Variants in PDE1C observed in about 807,000 individuals in gnomAD.
PDE1C encodes phosphodiesterase 1C, also known as dual specificity calcium/calmodulin-dependent 3',5'-cyclic nucleotide phosphodiesterase 1C.
A neutral mutation model predicts 93.1 loss-of-function variants in PDE1C; 62 were observed. The ratio of observed to expected loss-of-function variants is 0.67; its 90% CI spans 0.54 to 0.82. The LOEUF (loss-of-function observed/expected upper bound fraction) is 0.82, where lower values mean the gene tolerates loss of function less well. Ranked by LOEUF, PDE1C falls within the 40% of genes least tolerant of loss-of-function variation. The pLI is 0.00. For missense variants in PDE1C, 742 were observed against 884.6 expected, an observed-to-expected ratio of 0.84 and a Z score of 2.04; for synonymous variants, 325 against 310.1, an observed-to-expected ratio of 1.05 and a Z score of -0.50.
chr7:31,631,285 C>T, the PDE1C span, among the ~76,000 whole-genome samples: 23 of 152,232 alleles, frequency 1.5e-4, no homozygotes, highest in Admixed American at 7.2e-4. Flanking sequence ...AACACATATG[C>T]GTGCGTGCAC....
chr7:32,348,595 C>T (rs1484334028), intron 1 of PDE1C, among the ~76,000 whole-genome samples: 2 of 151,992 alleles, frequency 1.3e-5, no homozygotes, highest in Non-Finnish European at 2.9e-5. Flanking sequence ...GATCTCCTGA[C>T]CTTGTGATCC....
At chr7:32,077,421 GTA>G (rs1316242334) in intron 3 of PDE1C, among the ~76,000 whole-genome samples, 1 of 152,072 alleles carries the variant, frequency 6.6e-6, no homozygotes, top group Admixed American at 6.5e-5. Context: ...GAAAAAGCCT[GTA>G]TTATCTTGAT....
chr7:32,342,048 T>C (rs1006214917), intron 1 of PDE1C, among the ~76,000 whole-genome samples: 1 of 52,720 alleles, frequency 1.9e-5, no homozygotes, highest in Non-Finnish European at 4.3e-5. Flanking sequence ...TATATAAATA[T>C]ATGTAATAAT....
At position 32,102,968 on chromosome 7, in the gene PDE1C, A is replaced by G. The variant is rs184656483; in HGVS notation, c.308+66817T>C. Among the ~76,000 whole-genome samples, 3 of 152,302 alleles carry G rather than the reference A, an allele frequency of 2.0e-5. No homozygotes were observed. In the East Asian group the frequency reaches 5.8e-4, roughly 29 times the overall value. ...AGTGCATGACAACCCACATAAAACC[A>G]TATTCTATTCAATAGAGAGAGAGGG... On this transcript the variant is annotated intron_variant, in intron 3 of 18. Transcript: ENST00000396193.
intron 1 of PDE1C, among the ~76,000 whole-genome samples, chr7:32,252,195 C>T (rs1809444729): frequency 6.6e-6 from 1 of 152,204 alleles, no homozygotes. Flanking sequence ...AAACAATGCA[C>T]AAACATATTT....
chr7:31,823,055 A>T lies in PDE1C; in HGVS notation c.1582+18T>A. On this transcript the variant is annotated intron_variant, in intron 14 of 17. Transcript: ENST00000396191. ...TGTTTTATGCTGAATTGGTTTGGAC[A>T]GGTCTGTGGCATGTTACCTTTGGGT... The T allele has an allele frequency of 6.3e-7, 1 of 1,590,718 alleles. No individual in the cohort carries two copies. Among genetic ancestry groups the T allele is most frequent in the Non-Finnish European group, 8.6e-7 (1 of 1,168,148 alleles).
intron 17 of PDE1C, among the ~76,000 whole-genome samples, chr7:31,770,765 C>T (rs112458840): frequency 8.2e-4 from 125 of 152,246 alleles, no homozygotes; most frequent in African/African-American, 3.0e-3. Flanking sequence ...CCGCCTTGGC[C>T]TCCAAAAGTG....
At chr7:31,890,821 A>T (rs1376877956) in intron 2 of PDE1C, among the ~76,000 whole-genome samples, 1 of 151,576 alleles carries the variant, frequency 6.6e-6, no homozygotes, top group Non-Finnish European at 1.5e-5. Context: ...AATTATAGGA[A>T]AAAAACCTCA....
At chr7:32,080,688 G>C (rs1796612344) in intron 3 of PDE1C, among the ~76,000 whole-genome samples, 1 of 152,228 alleles carries the variant, frequency 6.6e-6, no homozygotes, top group Non-Finnish European at 1.5e-5. Flanking sequence ...ACTCCTGACA[G>C]TGTTTTCAAA....
chr7:32,136,909 GTTGT>G lies in PDE1C; in HGVS notation c.308+32872_308+32875del, dbSNP rs752310740. 3.3e-5 allele frequency among the ~76,000 whole-genome samples: 5 copies of G among 152,150 alleles called. 1 individual carries two copies. On this transcript the variant is annotated intron_variant, in intron 3 of 18. Coordinates refer to the PDE1C transcript ENST00000396193. The stretch of plus-strand genomic sequence containing the variant: ...ACTTGTTTAACTGAAGTAGTTTGAT[GTTGT>G]TTGTTTATCAGTCCTTAATAGAAAA...
chr7:31,724,871 G>T, the PDE1C span, among the ~76,000 whole-genome samples: 1 of 152,170 alleles, frequency 6.6e-6, no homozygotes, highest in Non-Finnish European at 1.5e-5. Flanking sequence ...CTTTCTGAAA[G>T]TCTTATATCG....
the PDE1C span, among the ~76,000 whole-genome samples, chr7:31,726,120 G>A: frequency 3.9e-5 from 6 of 152,110 alleles, no homozygotes; most frequent in Non-Finnish European, 5.9e-5. Context: ...CTTGGCTGGC[G>A]TCCACTGGAA....
intron 1 of PDE1C, among the ~76,000 whole-genome samples, chr7:32,251,444 T>C (rs1430344921): frequency 6.6e-6 from 1 of 152,176 alleles, no homozygotes; most frequent in Non-Finnish European, 1.5e-5. Flanking sequence ...TTCCCTCGCC[T>C]TCCAAATCAA....
the PDE1C span, chr7:31,692,615 A>G: frequency 1.7e-6 from 2 of 1,153,810 alleles, no homozygotes; most frequent in Non-Finnish European, 2.6e-6. Context: ...GAGAGAGGGC[A>G]CCCCCCGAAA....
chr7:31,629,045 A>ATG, the PDE1C span, among the ~76,000 whole-genome samples: 1 of 152,066 alleles, frequency 6.6e-6, no homozygotes, highest in East Asian at 1.9e-4. Flanking sequence ...AAAATTTGAA[A>ATG]CCTATCTATT....
intron 2 of PDE1C, among the ~76,000 whole-genome samples, chr7:32,193,897 T>C (rs1378717127): frequency 1.4e-5 from 2 of 146,638 alleles, no homozygotes; most frequent in East Asian, 4.1e-4. Flanking sequence ...TATGTGGTTT[T>C]TTTTTTTGGT....
chr7:31,773,628 A>C (rs578088370), intron 17 of PDE1C, among the ~76,000 whole-genome samples: 1 of 152,202 alleles, frequency 6.6e-6, no homozygotes, highest in East Asian at 2.0e-4. Context: ...CTCAAAAGCA[A>C]GTCTGTAGAG....
chr7:32,026,421 T>C (rs1406639776), intron 2 of PDE1C, among the ~76,000 whole-genome samples: 1 of 152,124 alleles, frequency 6.6e-6, no homozygotes, highest in Non-Finnish European at 1.5e-5. Context: ...TCCATTCTGC[T>C]GAGACAAGAG....
At chr7:32,260,119 A>G (rs1236288695) in intron 1 of PDE1C, among the ~76,000 whole-genome samples, 2 of 152,206 alleles carry the variant, frequency 1.3e-5, no homozygotes, top group African/African-American at 4.8e-5. Context: ...TGACCAGAGG[A>G]GACTTCAGTG....
Sources: gnomAD v4.1 joint callset for allele counts (sites outside exome capture counted in the v4.1 genomes callset) on GRCh38, gnomAD v4.1.1 for gene constraint, MANE v1.5 for transcripts, NCBI Gene and HGNC (gene_info 2026-07-23, HGNC 2026-07-21) for gene names.